Variants in APLF observed in about 807,000 individuals in gnomAD.
APLF encodes aprataxin and PNKP like factor.
Under a neutral mutation model 55.6 loss-of-function variants are expected in APLF, and 61 were observed. The ratio of observed to expected loss-of-function variants is 1.10; its 90% CI spans 0.89 to 1.36. The LOEUF is 1.36. Ranked by LOEUF, APLF falls within the 40% of genes most tolerant of loss-of-function variation. The probability of loss-of-function intolerance (pLI) is 0.00; values close to 1 mark genes in which losing one functional copy is unlikely to be tolerated. For synonymous variants in APLF, 207 were observed against 214.8 expected, an observed-to-expected ratio of 0.96 and a Z score of 0.32; for missense variants, 611 against 602.5, an observed-to-expected ratio of 1.01 and a Z score of -0.15.
intron 6 of APLF, among the ~76,000 whole-genome samples, chr2:68,531,101 T>G (rs1026064653): frequency 6.6e-6 from 1 of 152,224 alleles, no homozygotes; most frequent in Non-Finnish European, 1.5e-5. Flanking sequence ...TTTCTAGACC[T>G]TCTTTCCTCT....
chr2:68,518,466 CATATTA>C (rs1273072863), intron 5 of APLF, among the ~76,000 whole-genome samples: 51 of 105,256 alleles, frequency 4.8e-4, no homozygotes, highest in African/African-American at 1.9e-3. Flanking sequence ...TATTATATAA[CATATTA>C]ATAATACATA....
chr2:68,518,802 T>TATC (rs1553372016), intron 5 of APLF, among the ~76,000 whole-genome samples: 1 of 21,614 alleles, frequency 4.6e-5, no homozygotes, highest in African/African-American at 2.9e-4. Context: ...ATTAATAATC[T>TATC]ATCATATAAT....
chr2:68,491,820 C>T (rs578198817), intron 2 of APLF, among the ~76,000 whole-genome samples: 16 of 152,270 alleles, frequency 1.1e-4, no homozygotes, highest in Admixed American at 2.6e-4. Flanking sequence ...TGCTCTGCCA[C>T]TGTGTCCATG....
At chr2:68,485,111 A>G (rs1461381742) in intron 1 of APLF, among the ~76,000 whole-genome samples, 2 of 152,122 alleles carry the variant, frequency 1.3e-5, no homozygotes, top group Admixed American at 6.5e-5. Context: ...CTGTTATTAT[A>G]TTCTAGAAAT....
At chr2:68,511,831 G>A (rs1669382078) in intron 3 of APLF, among the ~76,000 whole-genome samples, 1 of 151,538 alleles carries the variant, frequency 6.6e-6, no homozygotes, top group East Asian at 1.9e-4. Context: ...AATATTGATT[G>A]AATGAACAAA....
chr2:68,483,701 A>G (rs541824032), intron 1 of APLF, among the ~76,000 whole-genome samples: 1 of 152,242 alleles, frequency 6.6e-6, no homozygotes, highest in African/African-American at 2.4e-5. Context: ...GTACTATAAT[A>G]TACATCCTGT....
intron 9 of APLF, among the ~76,000 whole-genome samples, chr2:68,570,721 C>G (rs1671435821): frequency 6.6e-6 from 1 of 152,142 alleles, no homozygotes; most frequent in Non-Finnish European, 1.5e-5. Context: ...AGTTCCAAGT[C>G]TTTGCTATTG....
Position 68,502,781 on chromosome 2 carries a change from A to G in APLF, c.219A>G (p.Leu73=). The G allele has an allele frequency of 6.2e-7, 1 of 1,603,608 alleles. No individual in the cohort carries two copies. Among genetic ancestry groups the G allele is most frequent in the Admixed American group, 1.7e-5 (1 of 57,236 alleles). ...FYQSSEKSQL[L]PLKPNLWCYL... is the part of the protein sequence containing the mutation. ...AGTCTTCAGAGAAGAGTCAGCTCTT[A>G]CCATTGAAGCCAAATCTATGGTGCT... Residue 73 remains leucine, a synonymous_variant, in exon 3 of 10, where the codon TTA becomes TTG. Coordinates refer to ENST00000303795, the MANE Select transcript of APLF (RefSeq NM_173545.3).
chr2:68,505,737 G>A (rs1676856279), intron 3 of APLF, among the ~76,000 whole-genome samples: 1 of 151,976 alleles, frequency 6.6e-6, no homozygotes. Flanking sequence ...GAGTGTTGGG[G>A]TACACCACTC....
At chr2:68,518,643 T>TAATATATCATGAATATATAATAATATATC (rs1669753780) in intron 5 of APLF, among the ~76,000 whole-genome samples, 1 of 96,484 alleles carries the variant, frequency 1.0e-5, no homozygotes, top group Non-Finnish European at 1.7e-5. Flanking sequence ...AATATATCAT[T>TAATATATCATGAATATATAATAATATATC]AATATATCAT....
chr2:68,575,524 A>G (rs999674347), intron 9 of APLF, among the ~76,000 whole-genome samples: 2 of 152,136 alleles, frequency 1.3e-5, no homozygotes, highest in Non-Finnish European at 2.9e-5. Flanking sequence ...CAAGAGAGCC[A>G]GTTAGGAGGA....
At chr2:68,534,763 GA>G (rs1489955165) in intron 6 of APLF, among the ~76,000 whole-genome samples, 1 of 152,096 alleles carries the variant, frequency 6.6e-6, no homozygotes, top group African/African-American at 2.4e-5. Context: ...AGGAAATATA[GA>G]GCTCTCTGCC....
intron 3 of APLF, 33 bp from the exon 4 acceptor site, chr2:68,513,047 A>G: frequency 6.4e-7 from 1 of 1,567,700 alleles, no homozygotes; most frequent in Non-Finnish European, 8.7e-7. Flanking sequence ...GTTAAATTTA[A>G]AATTAAAGAC....
At chr2:68,523,483 A>G (rs1315583925) in intron 5 of APLF, among the ~76,000 whole-genome samples, 1 of 152,004 alleles carries the variant, frequency 6.6e-6, no homozygotes, top group African/African-American at 2.4e-5. Flanking sequence ...AGTCCTGTAT[A>G]TGTTTATGCA....
chr2:68,550,200 G>T (rs1033938301), intron 8 of APLF, among the ~76,000 whole-genome samples: 1 of 152,020 alleles, frequency 6.6e-6, no homozygotes, highest in Non-Finnish European at 1.5e-5. Flanking sequence ...AATCCAGTCT[G>T]ATAGTATCTG....
chr2:68,579,539 A>AC lies in APLF; in HGVS notation c.*1517_*1518insC. 2.9e-6 allele frequency: 1 copy of AC among 350,556 alleles called. No homozygotes were observed. The highest frequency in any genetic ancestry group is 4.0e-6 in the Non-Finnish European group (1 of 250,438). 21.7% of individuals were successfully genotyped at this position (350,556 alleles called of 1,614,324 possible). ...AACAGCCAAAAAGTATAAACACCCA[A>AC]AGTCTATCAACTATCAACTGGGTGA... On this transcript the variant is annotated 3_prime_UTR_variant, in exon 10 of 10. Coordinates refer to ENST00000303795, the MANE Select transcript of APLF (RefSeq NM_173545.3).
chr2:68,526,251 A>G lies in APLF; in HGVS notation c.804+9A>G, dbSNP rs548669995. On this transcript the variant is annotated intron_variant, in intron 6 of 9. Coordinates refer to ENST00000303795, the MANE Select transcript of APLF (RefSeq NM_173545.3). ...CTACCATTTCATCCAAGGTGATTTTAAAAAATTCATTATTTGATTGTTTTT... is the reference window on the plus strand; with the variant it reads ...CTACCATTTCATCCAAGGTGATTTTGAAAAATTCATTATTTGATTGTTTTT... 27 of 1,596,350 alleles carry G rather than the reference A, an allele frequency of 1.7e-5. No homozygotes were observed. The highest frequency in any genetic ancestry group is 2.3e-5 in the Non-Finnish European group (27 of 1,173,186).
At chr2:68,517,484 TTAA>T (rs1431854290) in intron 5 of APLF, among the ~76,000 whole-genome samples, 23 of 140,348 alleles carry the variant, frequency 1.6e-4, no homozygotes, top group African/African-American at 5.7e-4. Flanking sequence ...TTACTATATA[TTAA>T]TATATCAATA....
chr2:68,491,720 G>T (rs535583096), intron 2 of APLF, among the ~76,000 whole-genome samples: 1 of 152,090 alleles, frequency 6.6e-6, no homozygotes, highest in Admixed American at 6.5e-5. Flanking sequence ...TAGTGTAACC[G>T]TCACCTGAAT....
Sources: gnomAD v4.1 joint callset for allele counts (sites outside exome capture counted in the v4.1 genomes callset) on GRCh38, gnomAD v4.1.1 for gene constraint, MANE v1.5 for transcripts, NCBI Gene and HGNC (gene_info 2026-07-23, HGNC 2026-07-21) for gene names.